The following MYO15A variants were observed in gnomAD, a reference collection of about 807,000 sequenced individuals.
The protein encoded by MYO15A is unconventional myosin-XV.
MYO15A carries 308 observed loss-of-function variants against 394.6 expected under a neutral mutation model. The ratio of observed to expected loss-of-function variants is 0.78; its 90% CI spans 0.71 to 0.86. The LOEUF (loss-of-function observed/expected upper bound fraction) is 0.86. MYO15A is among the 40% of genes least tolerant of loss of function. The probability of loss-of-function intolerance (pLI) is 0.00; values close to 1 mark genes in which losing one functional copy is unlikely to be tolerated. For synonymous variants in MYO15A, 1,957 were observed against 2,003.8 expected (o/e 0.98, Z 0.62); for missense variants, 4,606 against 4,799.1 (o/e 0.96, Z 1.19).
Position 18,120,587 on chromosome 17 carries a change from G to C in MYO15A, c.1787G>C (p.Arg596Pro), listed in dbSNP as rs763572922. 1 of 1,597,992 alleles carries C rather than the reference G, an allele frequency of 6.3e-7. No homozygotes were observed. Among genetic ancestry groups the C allele is most frequent in the East Asian group, 2.3e-5 (1 of 44,354 alleles). ...CGGCTCAGGGGCAGCCAGAAGGCCC[G>C]GGCGGGCGGCCCTGCTGTCAGGGAG... is the stretch of plus-strand genomic sequence containing the variant. ...IARLRGSQKA[R>P]AGGPAVREAA... Residue 596 changes from arginine to proline, a missense_variant, in exon 2 of 66, where the codon CGG (arginine) becomes CCG (proline). Around this residue, in one of 2 missense-constraint regions of MYO15A, gnomAD observed 1,830 missense variants for 1,689.7 expected, o/e 1.08. Transcript: ENST00000647165.
chr17:18,161,260 C>G lies in MYO15A; in HGVS notation c.9387-57C>G, dbSNP rs1406294336. Reference sequence around the variant, plus strand: ...TGTCTCAGCTCAATCCCAGGAGGCTCTTGGCACACTCTAGTGCTGTGGCCA... The same window carrying G: ...TGTCTCAGCTCAATCCCAGGAGGCTGTTGGCACACTCTAGTGCTGTGGCCA... On this transcript the variant is annotated intron_variant, in intron 56 of 65. Coordinates refer to ENST00000647165, the MANE Select transcript of MYO15A (RefSeq NM_016239.4). 6.3e-6 allele frequency: 10 copies of G among 1,598,874 alleles called. No homozygotes were observed. In the African/African-American group the frequency reaches 1.1e-4, roughly 17 times the overall value.
Position 18,132,660 on chromosome 17 carries a change from AGT to A in MYO15A, c.4320+98_4320+99del. The A allele has an allele frequency of 1.0e-6, 1 of 997,784 alleles. No individual in the cohort carries two copies. The highest frequency in any genetic ancestry group is 1.6e-6 in the Non-Finnish European group (1 of 641,346). The allele number at this position is 997,784 out of a possible 1,614,324, so 61.8% of individuals were successfully genotyped here. ...TTGGGAGCCGAGTTGTGAGTGATGG[AGT>A]GTGAAGGTGAAGGAGATTTGGGGAG... is the stretch of plus-strand genomic sequence containing the variant. On this transcript the variant is annotated intron_variant, in intron 11 of 65. Coordinates refer to ENST00000647165, the MANE Select transcript of MYO15A (RefSeq NM_016239.4). The surrounding 1 kb of genome is among the most constrained non-coding windows in gnomAD (Gnocchi z 4.6).
At chr17:18,159,736 C>T (rs1192641758) in intron 55 of MYO15A, 57 bp downstream of exon 55, 1 of 1,585,202 alleles carries the variant, frequency 6.3e-7, no homozygotes, top group Admixed American at 1.7e-5. Context: ...TTCAGTTTCC[C>T]CATCTATCAA....
chr17:18,137,661 C>T lies in MYO15A; in HGVS notation c.4857C>T (p.Ile1619=), dbSNP rs779461171. ...ACCTTCAGTACCTTTTCAACAAGAT[C>T]GTCTTCCAGGAGGAGCAGGTGTGTG... ...NENLQYLFNK[I]VFQEEQEEYI... is the part of the protein sequence containing the mutation. The change falls in exon 16 of 66, where the codon ATC becomes ATT. Residue 1619 remains isoleucine (I), a synonymous_variant. Coordinates refer to ENST00000647165, the MANE Select transcript of MYO15A (RefSeq NM_016239.4). 8.7e-6 allele frequency: 14 copies of T among 1,614,020 alleles called. No individual in the cohort carries two copies. Among genetic ancestry groups the T allele is most frequent in the East Asian group, 2.2e-5 (1 of 44,888 alleles).
chr17:18,119,165 C>T lies in MYO15A; in HGVS notation c.365C>T (p.Pro122Leu), dbSNP rs1188991087. 3.1e-6 allele frequency: 5 copies of T among 1,611,964 alleles called. No individual in the cohort carries two copies. Among genetic ancestry groups the T allele is most frequent in the Non-Finnish European group, 2.5e-6 (3 of 1,179,702 alleles). ...PGRRGYGRLR[P>L]RARSLSKAST... ...CGCCGTGGCTACGGCCGCCTGCGGC[C>T]GCGCGCCCGGTCACTCAGCAAAGCG... The change falls in exon 2 of 66, where the codon CCG (proline) becomes CTG (leucine). Residue 122 changes from proline to leucine, a missense_variant. Physicochemically the swap from Pro to Leu is moderately conservative, Grantham distance 98. Around this residue, in one of 2 missense-constraint regions of MYO15A, gnomAD observed 1,830 missense variants for 1,689.7 expected, o/e 1.08. Transcript: ENST00000647165.
chr17:18,125,259 G>A (rs183113647), intron 4 of MYO15A, 28 bp downstream of exon 4: 35 of 1,611,642 alleles, frequency 2.2e-5, no homozygotes, highest in Admixed American at 1.3e-4. Context: ...CCCTGCCCTG[G>A]GCCTAGGTCA....
rs1555546476 is a variant in MYO15A at position 18,153,823 on chromosome 17, G to A, written c.8015G>A (p.Arg2672Gln). ...LEPPEELTQT[R>Q]LHRLINPNFY... The stretch of plus-strand genomic sequence containing the variant: ...CCCCCTGAGGAACTCACGCAGACGC[G>A]GCTGCACCGCCTCATCAATCCCAAC... The change falls in exon 43 of 66, where the codon CGG (arginine) becomes CAG (glutamine). Residue 2672 changes from arginine to glutamine, a missense_variant. Physicochemically the swap from Arg to Gln is conservative, Grantham distance 43 (BLOSUM62 1). Around this residue, in one of 2 missense-constraint regions of MYO15A, gnomAD observed 2,776 missense variants for 3,109.3 expected, o/e 0.89. Transcript: ENST00000647165. This position sits in a 1 kb window ranked among gnomAD's most constrained non-coding sequence, Gnocchi z 4.1. The A allele has an allele frequency of 6.2e-7, 1 of 1,613,600 alleles. No individual in the cohort carries two copies. Among genetic ancestry groups the A allele is most frequent in the East Asian group, 2.2e-5 (1 of 44,880 alleles).
At chr17:18,176,210 A>G (rs1316125249) in intron 65 of MYO15A, among the ~76,000 whole-genome samples, 1 of 152,222 alleles carries the variant, frequency 6.6e-6, no homozygotes, top group East Asian at 1.9e-4. Flanking sequence ...ATAATTTACA[A>G]AGAAAAGAGG....
chr17:18,118,161 TCAGCTCCTGA>T (rs2045817239), intron 1 of MYO15A, among the ~76,000 whole-genome samples: 1 of 152,100 alleles, frequency 6.6e-6, no homozygotes, highest in Admixed American at 6.5e-5. Context: ...CATGTATTAT[TCAGCTCCTGA>T]GAGCCAGCCA....
chr17:18,159,049 G>A (rs766700377), intron 53 of MYO15A, 52 bp downstream of exon 53: 9 of 1,590,602 alleles, frequency 5.7e-6, no homozygotes, highest in South Asian at 1.1e-5. Flanking sequence ...TGATGCAGGG[G>A]CCCCCTCCCA....
chr17:18,129,229 TG>T (rs1668446438), intron 7 of MYO15A, among the ~76,000 whole-genome samples: 1 of 152,250 alleles, frequency 6.6e-6, no homozygotes, highest in South Asian at 2.1e-4. Context: ...GGGAATGCTC[TG>T]CCCTGACTGG....
intron 2 of MYO15A, chr17:18,122,708 C>G (rs1346826060): frequency 7.5e-6 from 3 of 399,522 alleles, no homozygotes; most frequent in Non-Finnish European, 1.3e-5. Context: ...CTGCCCTGAT[C>G]CAATCTGGAT....
chr17:18,172,139 C>T lies in MYO15A; in HGVS notation c.10217-18C>T. 2 of 1,613,964 alleles carry T rather than the reference C, an allele frequency of 1.2e-6. No homozygotes were observed. The highest frequency in any genetic ancestry group is 1.7e-6 in the Non-Finnish European group (2 of 1,179,970). On this transcript the variant is annotated intron_variant, in intron 63 of 65. Transcript: ENST00000647165. ...AGCCCTGCCCAGCACGTAACTGCCA[C>T]CCCCTCTCCCTGCCCAGGCCTCCTC...
intron 51 of MYO15A, 118 bp from the exon 52 acceptor site, chr17:18,158,405 T>C: frequency 1.6e-6 from 1 of 635,926 alleles, no homozygotes. Context: ...CAGGGATGGG[T>C]GGGTGGGCGG....
Position 18,166,430 on chromosome 17 carries a change from A to G in MYO15A, c.9857A>G (p.Asp3286Gly), listed in dbSNP as rs1190159304. ...GTGGCCTCAGAGATGGAGCAGGTGG[A>G]CGGCGGCTACATGCTCTGGTTCCGG... ...LDVASEMEQV[D>G]GGYMLWFRRV... is the part of the protein sequence containing the mutation. Residue 3286 changes from aspartate to glycine, a missense_variant, in exon 61 of 66, where the codon GAC becomes GGC. Transcript: ENST00000647165. 6.2e-7 allele frequency: 1 copy of G among 1,613,940 alleles called. No individual in the cohort carries two copies. Among genetic ancestry groups the G allele is most frequent in the Admixed American group, 1.7e-5 (1 of 60,008 alleles).
At position 18,120,170 on chromosome 17, in the gene MYO15A, T is replaced by C. The variant is rs1426469831; in HGVS notation, c.1370T>C (p.Phe457Ser). ...GTSFRLPSAA[F>S]FEQQGMDKPA... ...TCCTTCCGCCTGCCCAGCGCCGCCT[T>C]CTTCGAGCAGCAAGGCATGGATAAG... The change falls in exon 2 of 66, where the codon TTC becomes TCC. Residue 457 changes from phenylalanine (F) to serine (S), a missense_variant. Physicochemically the swap from Phe to Ser is radical, Grantham distance 155. Around this residue, in one of 2 missense-constraint regions of MYO15A, gnomAD observed 1,830 missense variants for 1,689.7 expected, o/e 1.08. Coordinates refer to ENST00000647165, the MANE Select transcript of MYO15A (RefSeq NM_016239.4). 1 of 1,612,870 alleles carries C rather than the reference T, an allele frequency of 6.2e-7. No homozygotes were observed. Among genetic ancestry groups the C allele is most frequent in the Admixed American group, 1.7e-5 (1 of 60,024 alleles).
At chr17:18,162,275 T>A (rs1054905592) in intron 57 of MYO15A, among the ~76,000 whole-genome samples, 3 of 152,002 alleles carry the variant, frequency 2.0e-5, no homozygotes, top group African/African-American at 7.3e-5. Context: ...AGATACAAGC[T>A]CCCCAGTCAG....
At chr17:18,174,714 T>C (rs1597827548) in intron 65 of MYO15A, among the ~76,000 whole-genome samples, 1 of 152,152 alleles carries the variant, frequency 6.6e-6, no homozygotes, top group African/African-American at 2.4e-5. Context: ...ACTGAAGAGA[T>C]AGGATTCAGG....
chr17:18,140,382 C>A, intron 19 of MYO15A, 135 bp from the exon 20 acceptor site: 2 of 1,210,840 alleles, frequency 1.7e-6, no homozygotes, highest in Non-Finnish European at 2.4e-6. Flanking sequence ...ATGACAGAGG[C>A]CTTGCAGAGA....
Sources: allele counts gnomAD v4.1 joint callset (sites outside exome capture counted in the v4.1 genomes callset), GRCh38; gene constraint gnomAD v4.1.1; regional missense constraint gnomAD v4.1.1; non-coding constraint Gnocchi (gnomAD v3.1); transcripts MANE v1.5; gene names NCBI Gene and HGNC (gene_info 2026-07-23, HGNC 2026-07-21).